The following OR10W1 variants were observed in gnomAD, a reference collection of about 807,000 sequenced individuals.
OR10W1 encodes the protein olfactory receptor 10W1.
For synonymous variants in OR10W1, 152 were observed against 151.6 expected (o/e 1.00, Z -0.02); for missense variants, 406 against 365.8 (o/e 1.11, Z -0.90).
rs755673017 is a variant in OR10W1 at position 58,267,359 on chromosome 11, T to A, written c.500A>T (p.His167Leu). The A allele has an allele frequency of 1.9e-6, 3 of 1,613,916 alleles. No homozygotes were observed. Among genetic ancestry groups the A allele is most frequent in the Non-Finnish European group, 2.5e-6 (3 of 1,179,932 alleles). Residue 167 changes from histidine to leucine, a missense_variant, in exon 1 of 1, where the codon CAC (histidine) becomes CTC (leucine). Transcript: ENST00000395079. ...GACTGGTGGCACATCACAAAAGAAGTGCTCAATGCCCTGAGCCTGGCAGAA... is the reference window on the plus strand; with the variant it reads ...GACTGGTGGCACATCACAAAAGAAGAGCTCAATGCCCTGAGCCTGGCAGAA... ...LPFCQAQGIE[H>L]FFCDVPPVMH...
Position 58,267,737 on chromosome 11 carries a change from T to C in OR10W1, c.122A>G (p.His41Arg). Residue 41 changes from histidine to arginine, a missense_variant, in exon 1 of 1, where the codon CAC (histidine) becomes CGC (arginine). By Grantham distance (29) the His-to-Arg change is conservative. Transcript: ENST00000395079. The part of the protein sequence containing the change: ...TGNILIVVSI[H>R]TETCLCTSMY... ...GGATGTGCATAGACAGGTTTCTGTG[T>C]GAATGGACACCACAATGAGAATGTT... 6.2e-7 allele frequency: 1 copy of C among 1,614,108 alleles called. No homozygotes were observed.
At position 58,267,516 on chromosome 11, in the gene OR10W1, C is replaced by T. The variant is rs752302288; in HGVS notation, c.343G>A (p.Val115Met). The T allele has an allele frequency of 6.2e-7, 1 of 1,614,122 alleles. No homozygotes were observed. The highest frequency in any genetic ancestry group is 8.5e-7 in the Non-Finnish European group (1 of 1,180,026). Residue 115 changes from valine (V) to methionine (M), a missense_variant, in exon 1 of 1, where the codon GTG becomes ATG. Val to Met is a conservative substitution (Grantham distance 21, BLOSUM62 1). Coordinates refer to ENST00000395079, the MANE Select transcript of OR10W1 (RefSeq NM_207374.3). ...LLAAMAYDRY[V>M]AICHPLQYPL... ...TACTGCAACGGGTGGCAAATGGCCA[C>T]ATAGCGGTCATAGGCCATGGCAGCC... is the stretch of plus-strand genomic sequence containing the variant.
In OR10W1 at chr11:58,267,374, G is replaced by T. The variant is rs140566640; in HGVS notation, c.485C>A (p.Ala162Asp). Residue 162 changes from alanine (A) to aspartate (D), a missense_variant, in exon 1 of 1, where the codon GCT (alanine) becomes GAT (aspartate). Coordinates refer to ENST00000395079, the MANE Select transcript of OR10W1 (RefSeq NM_207374.3). ...AFIFSLPFCQ[A>D]QGIEHFFCDV... is the part of the protein sequence containing the mutation. ...ACAAAAGAAGTGCTCAATGCCCTGA[G>T]CCTGGCAGAATGGCAGAGAGAAGAT... 8 of 1,613,754 alleles carry T rather than the reference G, an allele frequency of 5.0e-6. No homozygotes were observed. Among genetic ancestry groups the T allele is most frequent in the Non-Finnish European group, 6.8e-6 (8 of 1,179,910 alleles).
Position 58,267,307 on chromosome 11 carries a change from GTGACTC to G in OR10W1, c.546_551del (p.Gln182_Ser183del). 1 of 1,614,108 alleles carries G rather than the reference GTGACTC, an allele frequency of 6.2e-7. No homozygotes were observed. The highest frequency in any genetic ancestry group is 8.5e-7 in the Non-Finnish European group (1 of 1,179,984). On this transcript the variant is annotated inframe_deletion, in exon 1 of 1. Coordinates refer to ENST00000395079, the MANE Select transcript of OR10W1 (RefSeq NM_207374.3). ...CCACCAGCACTGACTGCTCATGAAT[GTGACTC>G]TGAGCACAAACAACATGCATGACTG... is the stretch of plus-strand genomic sequence containing the variant.
rs757263541 is a variant in OR10W1 at position 58,267,222 on chromosome 11, C to G, written c.637G>C (p.Val213Leu). 2.5e-6 allele frequency: 4 copies of G among 1,614,160 alleles called. No individual in the cohort carries two copies. Among genetic ancestry groups the G allele is most frequent in the Non-Finnish European group, 3.4e-6 (4 of 1,180,022 alleles). ...GAGTGGATCTTGAGCAGAGCAGCCA[C>G]TATGAAGGTGTAGGAGGTGGTGATG... Reference protein sequence around the residue: ...FLITTSYTFIVAALLKIHSAA... With the variant: ...FLITTSYTFILAALLKIHSAA... The change falls in exon 1 of 1, where the codon GTG becomes CTG. Residue 213 changes from valine (V) to leucine (L), a missense_variant. Transcript: ENST00000395079.
In OR10W1 at chr11:58,266,984, A is replaced by G. The variant is rs1333338839; in HGVS notation, c.875T>C (p.Val292Ala). The G allele has an allele frequency of 6.3e-7, 1 of 1,591,064 alleles. No homozygotes were observed. The highest frequency in any genetic ancestry group is 8.6e-7 in the Non-Finnish European group (1 of 1,166,142). Residue 292 changes from valine to alanine, a missense_variant, in exon 1 of 1, where the codon GTA becomes GCA. Val to Ala is a moderately conservative substitution (Grantham distance 64). Transcript: ENST00000395079. ...ALRNSEMKGAVGRVLTRNCLS... is the reference protein window; with the variant it reads ...ALRNSEMKGAAGRVLTRNCLS... The stretch of plus-strand genomic sequence containing the variant: ...GCAGTTCCTGGTAAGAACTCTCCCT[A>G]CGGCCCCTTTCATCTCACTGTTCCT...
rs995915201 is a variant in OR10W1 at position 58,267,278 on chromosome 11, G to A, written c.581C>T (p.Ala194Val). ...HIHEQSVLVAAILAIAVPFFL... is the reference protein window; with the variant it reads ...HIHEQSVLVAVILAIAVPFFL... ...GAAAGGCACAGCAATGGCTAGTATG[G>A]CTGCCACCAGCACTGACTGCTCATG... The change falls in exon 1 of 1, where the codon GCC becomes GTC. Residue 194 changes from alanine to valine, a missense_variant. Coordinates refer to ENST00000395079, the MANE Select transcript of OR10W1 (RefSeq NM_207374.3). The A allele has an allele frequency of 6.2e-7, 1 of 1,614,088 alleles. No individual in the cohort carries two copies.
rs900340836 is a variant in OR10W1 at position 58,268,094 on chromosome 11, G to A, written c.-236C>T. The A allele has an allele frequency of 5.9e-6, 3 of 512,410 alleles. No homozygotes were observed. The highest frequency in any genetic ancestry group is 5.7e-5 in the African/African-American group (3 of 52,628). The allele number at this position is 512,410 out of a possible 1,614,324, so 31.7% of individuals were successfully genotyped here. On this transcript the variant is annotated 5_prime_UTR_variant, in exon 1 of 1. Transcript: ENST00000395079. ...CTACACCTCAATTTCTACCTGCCAA[G>A]AGTTGGGCCAAACTATGTAAGATAC...
At position 58,267,089 on chromosome 11, in the gene OR10W1, TAGCTGG is replaced by T. The variant is rs1267684629; in HGVS notation, c.764_769del (p.Ser255_Ser256del). 6.2e-7 allele frequency: 1 copy of T among 1,614,130 alleles called. No individual in the cohort carries two copies. Among genetic ancestry groups the T allele is most frequent in the Non-Finnish European group, 8.5e-7 (1 of 1,179,996 alleles). ...GATGAACCGATCTTGCTTGGGGTTGTAGCTGGAGCTGGGGCACAGGTACATGAAGGC... is the reference window on the plus strand; with the variant it reads ...GATGAACCGATCTTGCTTGGGGTTGTAGCTGGGGCACAGGTACATGAAGGC... On this transcript the variant is annotated inframe_deletion, in exon 1 of 1. Coordinates refer to ENST00000395079, the MANE Select transcript of OR10W1 (RefSeq NM_207374.3).
In OR10W1 at chr11:58,266,899, T is replaced by C. The variant is rs868367818; in HGVS notation, c.*42A>G. The C allele has an allele frequency of 8.9e-6, 13 of 1,453,722 alleles. No individual in the cohort carries two copies. The Middle Eastern group carries it at 2.0e-3, about 227-fold the overall frequency. The allele number at this position is 1,453,722 out of a possible 1,614,324, so 90.1% of individuals were successfully genotyped here. On this transcript the variant is annotated 3_prime_UTR_variant, in exon 1 of 1. Transcript: ENST00000395079. ...TCAGTTTCATACAGATTTGGTGGGC[T>C]GGAACCAAATACTTGCCTGATAGGC...
rs1204520201 is a variant in OR10W1 at position 58,267,080 on chromosome 11, T to G, written c.779A>C (p.Lys260Thr). The G allele has an allele frequency of 4.3e-6, 7 of 1,614,122 alleles. No individual in the cohort carries two copies. The highest frequency in any genetic ancestry group is 5.9e-6 in the Non-Finnish European group (7 of 1,179,992). Residue 260 changes from lysine to threonine, a missense_variant, in exon 1 of 1, where the codon AAG (lysine) becomes ACG (threonine). Lys to Thr is a moderately conservative substitution (Grantham distance 78). Transcript: ENST00000395079. ...YLCPSSSYNP[K>T]QDRFISLVYT... is the part of the protein sequence containing the mutation. ...CACCAGTGAGATGAACCGATCTTGC[T>G]TGGGGTTGTAGCTGGAGCTGGGGCA...
Position 58,267,586 on chromosome 11 carries a change from C to T in OR10W1, c.273G>A (p.Gln91=), listed in dbSNP as rs755345392. 1.5e-5 allele frequency: 24 copies of T among 1,614,052 alleles called. No homozygotes were observed. The East Asian group carries it at 4.7e-4, about 31-fold the overall frequency. ...KTITLLGCAT[Q]MAFFIALGSA... ...TGCCCAGTGCAATGAAGAAAGCCAT[C>T]TGGGTGGCACAGCCCAGGAGAGTGA... Residue 91 remains glutamine (Q), a synonymous_variant, in exon 1 of 1, where the codon CAG becomes CAA. Coordinates refer to ENST00000395079, the MANE Select transcript of OR10W1 (RefSeq NM_207374.3).
chr11:58,267,565 C>T lies in OR10W1; in HGVS notation c.294G>A (p.Leu98=). ...CATQMAFFIA[L]GSADCFLLAA... ...CCAAGAGGAAGCAATCAGCACTGCC[C>T]AGTGCAATGAAGAAAGCCATCTGGG... is the stretch of plus-strand genomic sequence containing the variant. Residue 98 remains leucine, a synonymous_variant, in exon 1 of 1, where the codon CTG becomes CTA. Coordinates refer to ENST00000395079, the MANE Select transcript of OR10W1 (RefSeq NM_207374.3). 1 of 1,614,150 alleles carries T rather than the reference C, an allele frequency of 6.2e-7. No homozygotes were observed. Among genetic ancestry groups the T allele is most frequent in the Non-Finnish European group, 8.5e-7 (1 of 1,180,012 alleles).
chr11:58,268,150 G>A lies in OR10W1; in HGVS notation c.-292C>T. On this transcript the variant is annotated 5_prime_UTR_variant, in exon 1 of 1. Coordinates refer to ENST00000395079, the MANE Select transcript of OR10W1 (RefSeq NM_207374.3). ...AAGAAAAATGGCAGAGGAAGTGGGT[G>A]GGATTCAGGAGCTATTTTCAGAAAG... is the stretch of plus-strand genomic sequence containing the variant. The A allele has an allele frequency of 8.7e-6, 3 of 344,124 alleles. No homozygotes were observed. The highest frequency in any genetic ancestry group is 1.7e-5 in the Non-Finnish European group (3 of 179,124). The allele number at this position is 344,124 out of a possible 1,614,324, so 21.3% of individuals were successfully genotyped here.
Position 58,267,716 on chromosome 11 carries a change from G to T in OR10W1, c.143C>A (p.Thr48Lys). 6.2e-7 allele frequency: 1 copy of T among 1,614,142 alleles called. No individual in the cohort carries two copies. Among genetic ancestry groups the T allele is most frequent in the Non-Finnish European group, 8.5e-7 (1 of 1,179,996 alleles). ...GCTGCCCAGGAAATAGTACATGGAT[G>T]TGCATAGACAGGTTTCTGTGTGAAT... is the stretch of plus-strand genomic sequence containing the variant. The part of the protein sequence containing the change: ...VSIHTETCLC[T>K]SMYYFLGSLS... The change falls in exon 1 of 1, where the codon ACA becomes AAA. Residue 48 changes from threonine to lysine, a missense_variant. Transcript: ENST00000395079.
Position 58,267,295 on chromosome 11 carries a change from C to T in OR10W1, c.564G>A (p.Gln188=), listed in dbSNP as rs775538266. 1 of 1,614,130 alleles carries T rather than the reference C, an allele frequency of 6.2e-7. No individual in the cohort carries two copies. Among genetic ancestry groups the T allele is most frequent in the Non-Finnish European group, 8.5e-7 (1 of 1,180,018 alleles). ...CTAGTATGGCTGCCACCAGCACTGACTGCTCATGAATGTGACTCTGAGCAC... is the reference window on the plus strand; with the variant it reads ...CTAGTATGGCTGCCACCAGCACTGATTGCTCATGAATGTGACTCTGAGCAC... The part of the protein sequence containing the change: ...VVCAQSHIHE[Q]SVLVAAILAI... Residue 188 remains glutamine, a synonymous_variant, in exon 1 of 1, where the codon CAG becomes CAA. Transcript: ENST00000395079.
In OR10W1 at chr11:58,267,107, A is replaced by G. The variant is rs778680710; in HGVS notation, c.752T>C (p.Leu251Pro). Residue 251 changes from leucine (L) to proline (P), a missense_variant, in exon 1 of 1, where the codon CTG becomes CCG. Transcript: ENST00000395079. ...GGGGTTGTAGCTGGAGCTGGGGCAC[A>G]GGTACATGAAGGCACAGCAGCCATA... The part of the protein sequence containing the change: ...LQYGCCAFMY[L>P]CPSSSYNPKQ... The G allele has an allele frequency of 6.2e-7, 1 of 1,614,164 alleles. No homozygotes were observed. The highest frequency in any genetic ancestry group is 1.7e-5 in the Admixed American group (1 of 60,024).
Position 58,267,473 on chromosome 11 carries a change from A to C in OR10W1, c.386T>G (p.Leu129Trp). 4 of 1,614,094 alleles carry C rather than the reference A, an allele frequency of 2.5e-6. No individual in the cohort carries two copies. The highest frequency in any genetic ancestry group is 3.4e-6 in the Non-Finnish European group (4 of 1,179,988). Reference protein sequence around the residue: ...HPLQYPLLMTLTLCVHLVVAS... With the variant: ...HPLQYPLLMTWTLCVHLVVAS... ...CACAACCAAGTGGACACAAAGAGTC[A>C]ATGTCATGAGGAGAGGGTACTGCAA... Residue 129 changes from leucine (L) to tryptophan (W), a missense_variant, in exon 1 of 1, where the codon TTG (leucine) becomes TGG (tryptophan). Leu to Trp is a moderately conservative substitution (Grantham distance 61). Transcript: ENST00000395079.
Position 58,267,759 on chromosome 11 carries a change from T to A in OR10W1, c.100A>T (p.Ile34Phe). 1 of 1,614,046 alleles carries A rather than the reference T, an allele frequency of 6.2e-7. No homozygotes were observed. Among genetic ancestry groups the A allele is most frequent in the Non-Finnish European group, 8.5e-7 (1 of 1,179,930 alleles). The change falls in exon 1 of 1, where the codon ATT (isoleucine) becomes TTT (phenylalanine). Residue 34 changes from isoleucine to phenylalanine, a missense_variant. Coordinates refer to ENST00000395079, the MANE Select transcript of OR10W1 (RefSeq NM_207374.3). ...GTGTGAATGGACACCACAATGAGAA[T>A]GTTCCCAGTGATGATCAAACCATAA... ...LVYGLIITGN[I>F]LIVVSIHTET...
Sources: allele counts gnomAD v4.1 joint callset, GRCh38; gene constraint gnomAD v4.1.1; transcripts MANE v1.5; gene names NCBI Gene and HGNC (gene_info 2026-07-23, HGNC 2026-07-21).